Variants in RUFY2 observed in about 807,000 individuals in gnomAD.
RUFY2 encodes RUN and FYVE domain containing 2.
In RUFY2, 49 loss-of-function variants were observed where a neutral mutation model predicts 94.4. That is an observed-to-expected ratio of 0.52 (90% CI 0.41 to 0.66). The LOEUF (loss-of-function observed/expected upper bound fraction) is 0.66, where lower values mean the gene tolerates loss of function less well. RUFY2 is among the 30% of genes least tolerant of loss of function. The pLI is 0.00. For missense variants in RUFY2, 541 were observed against 692.8 expected, an observed-to-expected ratio of 0.78 and a Z score of 2.46; for synonymous variants, 255 against 235.7, an observed-to-expected ratio of 1.08 and a Z score of -0.75.
chr10:68,357,550 A>T (rs1589798553), intron 15 of RUFY2, among the ~76,000 whole-genome samples: 1 of 151,452 alleles, frequency 6.6e-6, no homozygotes, highest in African/African-American at 2.4e-5. Flanking sequence ...TATAATTTAA[A>T]TTTTTTTTTC....
chr10:68,380,492 T>C (rs1319433665), intron 11 of RUFY2, among the ~76,000 whole-genome samples: 2 of 152,246 alleles, frequency 1.3e-5, no homozygotes, highest in Admixed American at 6.5e-5. Context: ...TTGTAAAATA[T>C]GACATTTTTC....
chr10:68,386,422 T>C (rs1306534644), intron 7 of RUFY2, among the ~76,000 whole-genome samples: 1 of 152,180 alleles, frequency 6.6e-6, no homozygotes, highest in Non-Finnish European at 1.5e-5. Context: ...CGATCTCGGC[T>C]CACTGCAGCC....
intron 16 of RUFY2, 64 bp downstream of exon 16, chr10:68,355,289 A>T (rs921188091): frequency 2.0e-5 from 23 of 1,136,430 alleles, no homozygotes; most frequent in Non-Finnish European, 3.0e-5. Flanking sequence ...AGATTCACAC[A>T]GGGCATTACC....
downstream of RUFY2, chr10:68,342,457 T>A (rs1229012133): frequency 6.4e-6 from 1 of 157,300 alleles, no homozygotes; most frequent in Admixed American, 6.3e-5. Context: ...GCTTGACAAA[T>A]AATTAGTGTA....
chr10:68,371,421 CA>C lies in RUFY2; in HGVS notation c.1325+5431del, dbSNP rs570547947. Among the ~76,000 whole-genome samples, 268 of 134,056 alleles carry C rather than the reference CA, an allele frequency of 2.0e-3. 1 individual carries two copies. The highest frequency in any genetic ancestry group is 2.1e-3 in the Admixed American group (28 of 13,274). 87.9% of individuals were successfully genotyped at this position (134,056 alleles called of 152,430 possible). A position where few individuals can be genotyped will look rare whatever the true frequency, so the allele number is the denominator to read the frequency against. On this transcript the variant is annotated intron_variant, in intron 13 of 17. Coordinates refer to ENST00000602465, the MANE Select transcript of RUFY2 (RefSeq NM_001330103.2). The stretch of plus-strand genomic sequence containing the variant: ...TGGGCGACAGGCTGAGACTCCATCT[CA>C]AAAAAAAAAAAATACAAAAATTAGC...
In RUFY2 at chr10:68,383,803, G is replaced by A. The variant is rs1156959155; in HGVS notation, c.934C>T (p.Arg312Ter). 1.2e-6 allele frequency: 2 copies of A among 1,602,070 alleles called. No individual in the cohort carries two copies. Among genetic ancestry groups the A allele is most frequent in the East Asian group, 2.2e-5 (1 of 44,814 alleles). ...TAATTTTTAATATAACCTACCTGTCGTAACTGAGATTCATCTCGAAGCTGC... is the reference window on the plus strand; with the variant it reads ...TAATTTTTAATATAACCTACCTGTCATAACTGAGATTCATCTCGAAGCTGC... ...RRQLRDESQLRQDVENELAVQ... is the reference protein window; with the variant it reads ...RRQLRDESQL Residue 312 changes from arginine (R) to a stop codon, truncating the protein, a stop_gained, in exon 10 of 18, where the codon CGA becomes TGA. Coordinates refer to ENST00000602465, the MANE Select transcript of RUFY2 (RefSeq NM_001330103.2). LOFTEE classifies it high-confidence loss of function.
chr10:68,371,319 G>A (rs1272102937), intron 13 of RUFY2, among the ~76,000 whole-genome samples: 2 of 152,042 alleles, frequency 1.3e-5, no homozygotes, highest in African/African-American at 4.8e-5. Context: ...CTACTCAGGA[G>A]GCTGAGGCAG....
intron 16 of RUFY2, among the ~76,000 whole-genome samples, chr10:68,351,093 G>T: frequency 6.9e-6 from 1 of 145,420 alleles, no homozygotes; most frequent in South Asian, 2.2e-4. Context: ...ACATAATGAT[G>T]GTTTTGGCAA....
At chr10:68,385,022 G>T (rs1396168920) in intron 8 of RUFY2, among the ~76,000 whole-genome samples, 1 of 152,192 alleles carries the variant, frequency 6.6e-6, no homozygotes, top group Non-Finnish European at 1.5e-5. Context: ...CCAGTACTTT[G>T]GGAGGCCGAG....
At chr10:68,400,522 A>C (rs529646577) in intron 3 of RUFY2, among the ~76,000 whole-genome samples, 5 of 150,462 alleles carry the variant, frequency 3.3e-5, no homozygotes, top group South Asian at 2.1e-4. Context: ...TAAAAATACA[A>C]AAAATCAGCC....
chr10:68,407,117 C>A (rs1220050800), intron 1 of RUFY2, 69 bp downstream of exon 1: 2 of 1,515,522 alleles, frequency 1.3e-6, no homozygotes, highest in Middle Eastern at 1.8e-4. Flanking sequence ...TCCCAGTCCA[C>A]CCCGCCTGGC....
At chr10:68,394,287 C>A in intron 5 of RUFY2, 41 bp downstream of exon 5, 1 of 1,612,852 alleles carries the variant, frequency 6.2e-7, no homozygotes, top group South Asian at 1.1e-5. Context: ...ACTGTGCAAA[C>A]TGAAAACACT....
chr10:68,387,920 T>C (rs2049639637), intron 7 of RUFY2, among the ~76,000 whole-genome samples: 1 of 152,068 alleles, frequency 6.6e-6, no homozygotes, highest in Admixed American at 6.5e-5. Flanking sequence ...GGAGAATCGA[T>C]TGAACCCGGG....
chr10:68,342,004 T>C (rs1424322645), downstream of RUFY2: 1 of 1,614,108 alleles, frequency 6.2e-7, no homozygotes. Flanking sequence ...CAGTGGAGGT[T>C]ACTATGGGCA....
intron 16 of RUFY2, among the ~76,000 whole-genome samples, chr10:68,354,461 G>A (rs1239818227): frequency 6.6e-6 from 1 of 152,012 alleles, no homozygotes. Flanking sequence ...ACCACACCCA[G>A]TATCATGTAA....
chr10:68,363,521 G>T, intron 15 of RUFY2, 69 bp downstream of exon 15: 1 of 1,012,934 alleles, frequency 9.9e-7, no homozygotes, highest in Non-Finnish European at 1.4e-6. Context: ...CTGCCTAATA[G>T]ATTTGGCACA....
At chr10:68,358,443 C>T (rs552684067) in intron 15 of RUFY2, among the ~76,000 whole-genome samples, 5 of 152,282 alleles carry the variant, frequency 3.3e-5, no homozygotes, top group Admixed American at 1.3e-4. Flanking sequence ...TAAAACTACA[C>T]ACTGTAAAAA....
chr10:68,404,610 T>C (rs537590178), intron 2 of RUFY2, 61 bp downstream of exon 2: 1 of 1,291,154 alleles, frequency 7.7e-7, no homozygotes, highest in Admixed American at 2.7e-5. Context: ...TAACCCATTC[T>C]CAAGGGCACT....
downstream of RUFY2, chr10:68,341,500 AATTG>A (rs138927163): frequency 8.6e-4 from 912 of 1,065,426 alleles, 4 homozygotes; most frequent in African/African-American, 0.013. Context: ...AATATTACTT[AATTG>A]ATCTTTTTTA....
Sources: allele counts gnomAD v4.1 joint callset (sites outside exome capture counted in the v4.1 genomes callset), GRCh38; gene constraint gnomAD v4.1.1; transcripts MANE v1.5; gene names NCBI Gene and HGNC (gene_info 2026-07-23, HGNC 2026-07-21).